Variants in KIAA2012 observed in about 807,000 individuals in gnomAD.
KIAA2012 encodes uncharacterized protein KIAA2012.
In KIAA2012, 125 loss-of-function variants were observed where a neutral mutation model predicts 150.6. That is an observed-to-expected ratio of 0.83 (90% CI 0.72 to 0.96). KIAA2012 has a LOEUF of 0.96. Ranked by LOEUF, KIAA2012 falls within the 40% of genes least tolerant of loss-of-function variation. The pLI, the probability that KIAA2012 is intolerant of heterozygous loss-of-function variation, is 0.00. For missense variants in KIAA2012, 1,219 were observed against 1,354.9 expected (o/e 0.90, Z 1.57); for synonymous variants, 462 against 504.7 (o/e 0.92, Z 1.13).
chr2:202,106,072 A>G, intron 9 of KIAA2012, 162 bp downstream of exon 9: 1 of 1,519,616 alleles, frequency 6.6e-7, no homozygotes, highest in African/African-American at 1.4e-5. Flanking sequence ...AGCTGCCTTC[A>G]CCAAAGTGCT....
intron 13 of KIAA2012, 55 bp from the exon 14 acceptor site, chr2:202,154,618 T>C: frequency 6.9e-7 from 1 of 1,459,552 alleles, no homozygotes; most frequent in Non-Finnish European, 9.1e-7. Flanking sequence ...GACTAGCTCT[T>C]GTTGCACTGT....
chr2:202,123,380 C>T (rs577477692), intron 11 of KIAA2012, among the ~76,000 whole-genome samples: 1 of 152,174 alleles, frequency 6.6e-6, no homozygotes, highest in South Asian at 2.1e-4. Flanking sequence ...CTCCAAGGTC[C>T]CTACTCAATA....
At chr2:202,087,510 CAAAAAAAAAA>C (rs59728832) in intron 2 of KIAA2012, among the ~76,000 whole-genome samples, 2 of 52,524 alleles carry the variant, frequency 3.8e-5, no homozygotes, top group African/African-American at 1.7e-4. Flanking sequence ...GAAACCATCT[CAAAAAAAAAA>C]AAAAAAAAAA....
intron 15 of KIAA2012, among the ~76,000 whole-genome samples, chr2:202,170,141 A>G (rs927835823): frequency 4.6e-5 from 7 of 152,160 alleles, no homozygotes; most frequent in Middle Eastern, 3.2e-3. Flanking sequence ...ACAGCCTGGG[A>G]GGAGGCCATC....
chr2:202,092,181 C>T (rs1437105461), intron 3 of KIAA2012, among the ~76,000 whole-genome samples: 1 of 152,182 alleles, frequency 6.6e-6, no homozygotes, highest in Non-Finnish European at 1.5e-5. Flanking sequence ...GATACACACA[C>T]ACATGCATTC....
At position 202,162,145 on chromosome 2, in the gene KIAA2012, A is replaced by AGC; in HGVS notation, c.2047-3138_2047-3137insCG. ...CTTCCCTTGAACAACTGGAGTTGCT[A>AGC]GTTTCCTGTGTCCCCTTCCTAGAAT... is the stretch of plus-strand genomic sequence containing the variant. On this transcript the variant is annotated intron_variant, in intron 14 of 23. Coordinates refer to ENST00000498697, the MANE Select transcript of KIAA2012 (RefSeq NM_001277372.4). Among the ~76,000 whole-genome samples, 2 of 151,974 alleles carry AGC rather than the reference A, an allele frequency of 1.3e-5. 1 individual carries two copies. The highest frequency in any genetic ancestry group is 4.2e-4 in the South Asian group (2 of 4,812).
intron 13 of KIAA2012, among the ~76,000 whole-genome samples, chr2:202,150,458 T>G (rs79578354): frequency 0.069 from 5,556 of 80,080 alleles, 348 homozygotes; most frequent in African/African-American, 0.16. Flanking sequence ...GTTTTTTGTG[T>G]TTTTTTTTGA....
chr2:202,140,868 C>G (rs940184616), intron 13 of KIAA2012, among the ~76,000 whole-genome samples: 2 of 152,042 alleles, frequency 1.3e-5, no homozygotes, highest in Non-Finnish European at 2.9e-5. Context: ...TCAGTTCCCC[C>G]ACTGGCTGCC....
At chr2:202,178,934 G>C (rs1559229861) in intron 15 of KIAA2012, 1 of 233,148 alleles carries the variant, frequency 4.3e-6, no homozygotes, top group East Asian at 1.3e-4. Context: ...CAGATTAACT[G>C]TAGTATTAAG....
At chr2:202,180,479 ACT>A (rs1381064538) in intron 15 of KIAA2012, among the ~76,000 whole-genome samples, 1 of 152,200 alleles carries the variant, frequency 6.6e-6, no homozygotes, top group Non-Finnish European at 1.5e-5. Flanking sequence ...CAAAAAATAG[ACT>A]GTACATCCTT....
intron 5 of KIAA2012, among the ~76,000 whole-genome samples, chr2:202,098,189 G>A (rs376372267): frequency 3.9e-5 from 6 of 152,100 alleles, no homozygotes; most frequent in African/African-American, 1.4e-4. Flanking sequence ...GTGAAACCCC[G>A]TCTCTACTAA....
At chr2:202,083,005 C>T (rs1340595940) in intron 2 of KIAA2012, among the ~76,000 whole-genome samples, 3 of 152,136 alleles carry the variant, frequency 2.0e-5, no homozygotes, top group South Asian at 2.1e-4. Context: ...ATTGAGCTCT[C>T]GTAGGACCTG....
intron 15 of KIAA2012, among the ~76,000 whole-genome samples, chr2:202,166,215 GTTTAA>G (rs1422963780): frequency 1.3e-5 from 2 of 152,198 alleles, no homozygotes; most frequent in Non-Finnish European, 2.9e-5. Flanking sequence ...TTCAGACCAT[GTTTAA>G]TGCAATGAAA....
chr2:202,181,810 GT>G (rs1237653651), intron 15 of KIAA2012, among the ~76,000 whole-genome samples: 1 of 152,102 alleles, frequency 6.6e-6, no homozygotes, highest in African/African-American at 2.4e-5. Flanking sequence ...GCTGGCACTG[GT>G]TTAGGCACTT....
intron 13 of KIAA2012, among the ~76,000 whole-genome samples, chr2:202,147,340 C>A (rs6723854): frequency 0.53 from 80,724 of 151,958 alleles, 21,686 homozygotes; most frequent in East Asian, 0.6. Context: ...TACCTAAGGG[C>A]GCACAGCTGA....
chr2:202,115,112 T>TTTTGG (rs1211997435), intron 11 of KIAA2012: 1 of 157,006 alleles, frequency 6.4e-6, no homozygotes, highest in Admixed American at 6.5e-5. Context: ...TGTTTGTTTG[T>TTTTGG]TTTGGTTTGG....
chr2:202,160,345 G>A (rs1157708067), intron 14 of KIAA2012, among the ~76,000 whole-genome samples: 4 of 126,786 alleles, frequency 3.2e-5, no homozygotes, highest in East Asian at 2.1e-4. Context: ...ATGGAGTCTC[G>A]CTCTGTCACC....
intron 14 of KIAA2012, among the ~76,000 whole-genome samples, chr2:202,158,823 G>A (rs1363658747): frequency 6.6e-6 from 1 of 152,210 alleles, no homozygotes; most frequent in African/African-American, 2.4e-5. Flanking sequence ...TTAGGTCATG[G>A]TAGTAGGGAA....
At position 202,074,874 on chromosome 2, in the gene KIAA2012, G is replaced by T; in HGVS notation, c.85-17G>T. ...CTTCCACAGTGGCTCCGTCAAAGTG[G>T]CTGCTTCTCATTGCAGGATTACTTG... On this transcript the variant is annotated splice_polypyrimidine_tract_variant and intron_variant, in intron 1 of 23. Coordinates refer to ENST00000498697, the MANE Select transcript of KIAA2012 (RefSeq NM_001277372.4). The T allele has an allele frequency of 6.5e-7, 1 of 1,532,546 alleles. No individual in the cohort carries two copies. Among genetic ancestry groups the T allele is most frequent in the Non-Finnish European group, 8.8e-7 (1 of 1,140,494 alleles). The allele number at this position is 1,532,546 out of a possible 1,614,324, so 94.9% of individuals were successfully genotyped here.
Sources: gnomAD v4.1 joint callset for allele counts (sites outside exome capture counted in the v4.1 genomes callset) on GRCh38, gnomAD v4.1.1 for gene constraint, MANE v1.5 for transcripts, NCBI Gene and HGNC (gene_info 2026-07-23, HGNC 2026-07-21) for gene names.